RGS6: variants seen among roughly 807,000 people sequenced by gnomAD.
The protein encoded by RGS6 is regulator of G protein signaling 6.
RGS6 carries 30 observed loss-of-function variants against 78.5 expected under a neutral mutation model. That is an observed-to-expected ratio of 0.38 (90% CI 0.29 to 0.52). The LOEUF (loss-of-function observed/expected upper bound fraction) is 0.52, where lower values mean the gene tolerates loss of function less well. Among genes scored for constraint, RGS6 ranks in the 20% least tolerant of loss-of-function variants. The pLI, the probability that RGS6 is intolerant of heterozygous loss-of-function variation, is 0.85. For synonymous variants in RGS6, 206 were observed against 206.0 expected, an observed-to-expected ratio of 1.00 and a Z score of 0.00; for missense variants, 495 against 609.7, an observed-to-expected ratio of 0.81 and a Z score of 1.98.
chr14:72,469,763 G>T (rs2153300734), intron 7 of RGS6: 1 of 381,520 alleles, frequency 2.6e-6, no homozygotes, highest in Admixed American at 4.5e-5. Flanking sequence ...TTCATGAAGA[G>T]AGGAATCAGG....
chr14:71,958,925 G>A (rs916801769), intron 1 of RGS6, among the ~76,000 whole-genome samples: 2 of 152,098 alleles, frequency 1.3e-5, no homozygotes, highest in Non-Finnish European at 2.9e-5. Context: ...GCCTAGTTCC[G>A]GTCCTTGGGC....
intron 2 of RGS6, among the ~76,000 whole-genome samples, chr14:72,205,612 T>C (rs1282629187): frequency 2.0e-5 from 3 of 152,196 alleles, no homozygotes; most frequent in African/African-American, 4.8e-5. Flanking sequence ...GATCCTTAAT[T>C]AGCTGAAAAT....
chr14:72,465,622 G>GTGGGTGGATGGA (rs1555416950), intron 6 of RGS6, 136 bp from the exon 7 acceptor site: 8 of 355,628 alleles, frequency 2.2e-5, no homozygotes, highest in Middle Eastern at 4.3e-4. Context: ...GGGTGGATGG[G>GTGGGTGGATGGA]TGGATGGATG....
chr14:72,456,217 C>T (rs779784555), intron 4 of RGS6, among the ~76,000 whole-genome samples: 7 of 152,230 alleles, frequency 4.6e-5, no homozygotes, highest in African/African-American at 4.8e-5. Context: ...TGAGGCAAAC[C>T]GAGGCCTTGG....
intron 2 of RGS6, among the ~76,000 whole-genome samples, chr14:72,284,528 G>A (rs1354433220): frequency 6.6e-6 from 1 of 152,190 alleles, no homozygotes; most frequent in Non-Finnish European, 1.5e-5. Flanking sequence ...ATTGAGTTTT[G>A]GGAACTTCTG....
At chr14:72,466,790 C>T (rs1226930404) in intron 7 of RGS6, among the ~76,000 whole-genome samples, 1 of 152,136 alleles carries the variant, frequency 6.6e-6, no homozygotes, top group African/African-American at 2.4e-5. Context: ...TTGTATGAAT[C>T]TATACATGTG....
the RGS6 span, among the ~76,000 whole-genome samples, chr14:72,592,732 A>C: frequency 1.3e-5 from 2 of 152,182 alleles, no homozygotes; most frequent in African/African-American, 4.8e-5. Context: ...TGTGAAAGGG[A>C]CTTCAAGGAG....
At chr14:71,874,678 T>G in the RGS6 span, among the ~76,000 whole-genome samples, 1 of 152,204 alleles carries the variant, frequency 6.6e-6, no homozygotes, top group Non-Finnish European at 1.5e-5. Flanking sequence ...TCCAACACTA[T>G]GTTGAATAAG....
the RGS6 span, among the ~76,000 whole-genome samples, chr14:72,583,117 G>A: frequency 2.0e-5 from 3 of 152,114 alleles, no homozygotes; most frequent in African/African-American, 4.8e-5. Context: ...TTCAGACTCT[G>A]AGACTTGCAC....
intron 2 of RGS6, among the ~76,000 whole-genome samples, chr14:72,318,471 C>G (rs941708462): frequency 1.3e-5 from 2 of 152,096 alleles, no homozygotes; most frequent in Admixed American, 1.3e-4. Flanking sequence ...CAAGTTGACA[C>G]TCAGTATTAG....
intron 13 of RGS6, among the ~76,000 whole-genome samples, chr14:72,506,984 TAAAAAAAAAAAAAAAAAAAA>T (rs71109738): frequency 1.8e-4 from 10 of 54,392 alleles, no homozygotes; most frequent in South Asian, 2.2e-3. Flanking sequence ...CTGTCTCTAC[TAAAAAAAAAAAAAAAAAAAA>T]AAAAAAAAAA....
intron 2 of RGS6, among the ~76,000 whole-genome samples, chr14:72,242,862 TTTTTGAGA>T (rs1182104956): frequency 1.4e-5 from 2 of 143,420 alleles, no homozygotes; most frequent in Non-Finnish European, 3.0e-5. Flanking sequence ...TTTTTTTTTT[TTTTTGAGA>T]TGGAGTCTCG....
chr14:72,593,159 A>G, the RGS6 span, among the ~76,000 whole-genome samples: 1 of 152,226 alleles, frequency 6.6e-6, no homozygotes, highest in South Asian at 2.1e-4. Flanking sequence ...ACCATGCCCA[A>G]GAAAGAATAT....
At chr14:71,950,408 A>T (rs2092164569) in intron 1 of RGS6, among the ~76,000 whole-genome samples, 1 of 152,218 alleles carries the variant, frequency 6.6e-6, no homozygotes, top group African/African-American at 2.4e-5. Context: ...CTTACACCTT[A>T]TCCAAAGATT....
At chr14:72,418,015 G>A (rs1179686337) in intron 3 of RGS6, among the ~76,000 whole-genome samples, 2 of 152,070 alleles carry the variant, frequency 1.3e-5, no homozygotes, top group African/African-American at 4.8e-5. Context: ...GGCTTTCCCT[G>A]TTTCCATCAT....
intron 12 of RGS6, among the ~76,000 whole-genome samples, chr14:72,490,063 C>G (rs17116396): frequency 2.0e-5 from 3 of 152,204 alleles, no homozygotes; most frequent in East Asian, 1.9e-4. Context: ...CCTGAGATGT[C>G]GTAAAGCTCT....
intron 17 of RGS6, chr14:72,547,308 A>T: frequency 6.5e-7 from 1 of 1,535,550 alleles, no homozygotes. Flanking sequence ...TGTGGTCCAG[A>T]CTGGAAAGTT....
chr14:71,992,240 C>T (rs1157616741), intron 2 of RGS6, among the ~76,000 whole-genome samples: 1 of 152,124 alleles, frequency 6.6e-6, no homozygotes. Context: ...GCCATGTTGG[C>T]CAGGCTGGTC....
At chr14:72,426,743 A>T (rs985474118) in intron 3 of RGS6, among the ~76,000 whole-genome samples, 1 of 152,158 alleles carries the variant, frequency 6.6e-6, no homozygotes, top group South Asian at 2.1e-4. Context: ...CCTTTTCCAC[A>T]TGGGTGGCAT....
Sources: allele counts gnomAD v4.1 joint callset (sites outside exome capture counted in the v4.1 genomes callset), GRCh38; gene constraint gnomAD v4.1.1; transcripts MANE v1.5; gene names NCBI Gene and HGNC (gene_info 2026-07-23, HGNC 2026-07-21).